Variants in RBFOX1 observed in about 807,000 individuals in gnomAD.
RBFOX1 encodes the protein RNA binding protein fox-1 homolog 1.
RBFOX1 carries 8 observed loss-of-function variants against 57.7 expected under a neutral mutation model. The ratio of observed to expected loss-of-function variants is 0.14; its 90% CI spans 0.08 to 0.25. The LOEUF is 0.25. RBFOX1 is among the 10% of genes least tolerant of loss of function. The pLI is 1.00. For missense variants in RBFOX1, 611 were observed against 548.5 expected (o/e 1.11, Z -1.14); for synonymous variants, 326 against 222.4 (o/e 1.47, Z -4.15).
chr16:6,189,761 T>C (rs1251259824), intron 1 of RBFOX1, among the ~76,000 whole-genome samples: 1 of 152,220 alleles, frequency 6.6e-6, no homozygotes, highest in African/African-American at 2.4e-5. Context: ...TAATATATGA[T>C]ATTTTTTAAA....
At chr16:7,139,180 G>C (rs28741990) in intron 4 of RBFOX1, among the ~76,000 whole-genome samples, 72 of 44,944 alleles carry the variant, frequency 1.6e-3, no homozygotes, top group South Asian at 7.7e-3. Flanking sequence ...CTCTCTCTGT[G>C]TGTGTGTGTG....
At chr16:6,404,191 A>G (rs998035194) in intron 2 of RBFOX1, among the ~76,000 whole-genome samples, 11 of 152,224 alleles carry the variant, frequency 7.2e-5, no homozygotes, top group African/African-American at 2.7e-4. Context: ...TTTATTCACT[A>G]AACAATACAG....
chr16:7,594,969 G>T (rs568807028), intron 7 of RBFOX1, among the ~76,000 whole-genome samples: 21 of 152,154 alleles, frequency 1.4e-4, no homozygotes, highest in East Asian at 9.7e-4. Flanking sequence ...TATAAAAAAG[G>T]TCTTTCCTTT....
chr16:7,463,274 T>C (rs1287768739), intron 4 of RBFOX1, among the ~76,000 whole-genome samples: 1 of 152,156 alleles, frequency 6.6e-6, no homozygotes, highest in East Asian at 1.9e-4. Context: ...GAGGCCATGG[T>C]GTGTGGATCA....
At chr16:7,080,862 C>T (rs530125899) in intron 4 of RBFOX1, among the ~76,000 whole-genome samples, 1 of 152,286 alleles carries the variant, frequency 6.6e-6, no homozygotes, top group African/African-American at 2.4e-5. Context: ...ATCCTCAGGA[C>T]CAAGGGAGCC....
At chr16:7,451,066 A>G (rs2098848262) in intron 4 of RBFOX1, among the ~76,000 whole-genome samples, 2 of 152,124 alleles carry the variant, frequency 1.3e-5, no homozygotes. Flanking sequence ...CTGAGTGACA[A>G]GGAGGAGACT....
intron 4 of RBFOX1, among the ~76,000 whole-genome samples, chr16:5,999,988 A>C (rs1488281176): frequency 6.6e-6 from 1 of 151,602 alleles, no homozygotes; most frequent in Non-Finnish European, 1.5e-5. Flanking sequence ...ACAGCTTTAT[A>C]AGGAACAATG....
intron 3 of RBFOX1, among the ~76,000 whole-genome samples, chr16:5,697,563 TC>T (rs1436195625): frequency 4.2e-5 from 6 of 143,878 alleles, no homozygotes; most frequent in Non-Finnish European, 7.5e-5. Flanking sequence ...AGATAGAGTC[TC>T]GCTCTGTCAC....
chr16:5,612,563 G>A (rs150450839), intron 3 of RBFOX1, among the ~76,000 whole-genome samples: 127 of 152,312 alleles, frequency 8.3e-4, no homozygotes, highest in African/African-American at 2.8e-3. Context: ...TAATAAAACC[G>A]GGCATACATG....
At chr16:7,432,434 T>C (rs778030467) in intron 4 of RBFOX1, among the ~76,000 whole-genome samples, 7 of 152,220 alleles carry the variant, frequency 4.6e-5, no homozygotes, top group Non-Finnish European at 1.0e-4. Flanking sequence ...TCGTTGTGCT[T>C]ACTGAGGCTG....
chr16:5,451,590 A>G (rs1461133369), intron 1 of RBFOX1, among the ~76,000 whole-genome samples: 1 of 152,206 alleles, frequency 6.6e-6, no homozygotes, highest in Non-Finnish European at 1.5e-5. Context: ...GAAAGAGCAG[A>G]TAGAAACAGA....
At chr16:5,802,860 C>G (rs879313010) in intron 3 of RBFOX1, among the ~76,000 whole-genome samples, 6 of 152,170 alleles carry the variant, frequency 3.9e-5, no homozygotes, top group Non-Finnish European at 8.8e-5. Flanking sequence ...ACCTATCCAA[C>G]CATTCATTCA....
In RBFOX1 at chr16:7,670,274, C is replaced by T. The variant is rs1012141831; in HGVS notation, c.930+5306C>T. Among the ~76,000 whole-genome samples the T allele has an allele frequency of 1.8e-4, 27 of 152,170 alleles. 1 individual carries two copies. Among genetic ancestry groups the T allele is most frequent in the Admixed American group, 1.4e-3 (22 of 15,276 alleles). On this transcript the variant is annotated intron_variant, in intron 13 of 15. Coordinates refer to ENST00000550418, the MANE Select transcript of RBFOX1 (RefSeq NM_018723.4). ...CTCGAACTTCCGACCTCAAGTGATC[C>T]AGCTGCCTTGGCCTCCCAAAGTGCT...
chr16:6,507,917 C>G lies in RBFOX1; in HGVS notation c.-63-146686C>G, dbSNP rs533903051. Among the ~76,000 whole-genome samples, 53 of 152,116 alleles carry G rather than the reference C, an allele frequency of 3.5e-4. No homozygotes were observed. In the South Asian group the frequency reaches 8.5e-3, roughly 24 times the overall value. Reference sequence around the variant, plus strand: ...AGATGTATTGTACAAAATACACTTACGTTCATTGCATCACTTTTCACAATA... The same window carrying G: ...AGATGTATTGTACAAAATACACTTAGGTTCATTGCATCACTTTTCACAATA... On this transcript the variant is annotated intron_variant, in intron 2 of 15. Coordinates refer to ENST00000550418, the MANE Select transcript of RBFOX1 (RefSeq NM_018723.4).
intron 3 of RBFOX1, among the ~76,000 whole-genome samples, chr16:6,838,663 A>C (rs879220412): frequency 6.6e-6 from 1 of 152,122 alleles, no homozygotes; most frequent in Admixed American, 6.5e-5. Context: ...AGAATTCTTT[A>C]TTGGGCAAAG....
chr16:6,853,764 G>A (rs922329058), intron 3 of RBFOX1, among the ~76,000 whole-genome samples: 1 of 152,120 alleles, frequency 6.6e-6, no homozygotes, highest in African/African-American at 2.4e-5. Flanking sequence ...GCGTGGAGAG[G>A]AGCTGCACTC....
In RBFOX1 at chr16:5,829,362, G is replaced by A. The variant is rs114141440; in HGVS notation, c.319-37941G>A. On this transcript the variant is annotated intron_variant, in intron 3 of 19. Coordinates refer to the RBFOX1 transcript ENST00000641259. ...TTGAAAAGATCATCTTGATGACTGC[G>A]AGGAGAATGGATTGAAGAGGCACAG... is the stretch of plus-strand genomic sequence containing the variant. Among the ~76,000 whole-genome samples, 1,416 of 152,318 alleles carry A rather than the reference G, an allele frequency of 9.3e-3. 15 individuals are homozygous for A. Among genetic ancestry groups the A allele is most frequent in the African/African-American group, 0.032 (1,348 of 41,556 alleles).
At chr16:7,485,534 G>T (rs910908118) in intron 4 of RBFOX1, among the ~76,000 whole-genome samples, 2 of 152,108 alleles carry the variant, frequency 1.3e-5, no homozygotes, top group African/African-American at 4.8e-5. Context: ...CTGAGGATGT[G>T]GCCTTTGTCT....
chr16:5,801,015 C>T (rs2055038779), intron 3 of RBFOX1, among the ~76,000 whole-genome samples: 1 of 152,126 alleles, frequency 6.6e-6, no homozygotes, highest in African/African-American at 2.4e-5. Context: ...GTGGGATCTT[C>T]TACCCCAGGA....
Sources: gnomAD v4.1 joint callset for allele counts (sites outside exome capture counted in the v4.1 genomes callset) on GRCh38, gnomAD v4.1.1 for gene constraint, MANE v1.5 for transcripts, NCBI Gene and HGNC (gene_info 2026-07-23, HGNC 2026-07-21) for gene names.